The following SEMA6D variants were observed in gnomAD, a reference collection of about 807,000 sequenced individuals.
The protein encoded by SEMA6D is semaphorin-6D.
In SEMA6D, 35 loss-of-function variants were observed where a neutral mutation model predicts 106.6. The ratio of observed to expected loss-of-function variants is 0.33; its 90% confidence interval spans 0.25 to 0.44. The LOEUF (loss-of-function observed/expected upper bound fraction) is 0.44. Among genes scored for constraint, SEMA6D ranks in the 20% least tolerant of loss-of-function variants. The pLI is 1.00. For missense variants in SEMA6D, 1,185 were observed against 1,345.9 expected, an observed-to-expected ratio of 0.88 and a Z score of 1.87; for synonymous variants, 499 against 487.7, an observed-to-expected ratio of 1.02 and a Z score of -0.31.
At chr15:47,386,567 C>T (rs1380004978) in intron 1 of SEMA6D, among the ~76,000 whole-genome samples, 2 of 152,140 alleles carry the variant, frequency 1.3e-5, no homozygotes, top group Admixed American at 6.5e-5. Context: ...GCAAGGCCAT[C>T]GGGGAGTCCT....
chr15:47,698,071 T>G (rs1394437027), intron 4 of SEMA6D, among the ~76,000 whole-genome samples: 1 of 152,252 alleles, frequency 6.6e-6, no homozygotes, highest in East Asian at 1.9e-4. Context: ...ATGTTTAACA[T>G]ATGCTTGTAG....
In SEMA6D at chr15:47,726,722, C is replaced by G. The variant is rs573439581; in HGVS notation, c.-55+9030C>G. 1.2e-3 allele frequency among the ~76,000 whole-genome samples: 180 copies of G among 152,316 alleles called. 6 individuals carry two copies. The highest frequency in any genetic ancestry group is 0.011 in the Admixed American group (170 of 15,298). On this transcript the variant is annotated intron_variant, in intron 1 of 18. Transcript: ENST00000536845. Reference sequence around the variant, plus strand: ...CAGATGAATTAATATTTGAACAGCACTTATAATAGTGCTTGGCATGTAGTG... The same window carrying G: ...CAGATGAATTAATATTTGAACAGCAGTTATAATAGTGCTTGGCATGTAGTG...
chr15:47,513,047 A>C (rs1408732004), intron 3 of SEMA6D, among the ~76,000 whole-genome samples: 2 of 152,162 alleles, frequency 1.3e-5, no homozygotes, highest in African/African-American at 4.8e-5. Flanking sequence ...CACGTTCTCA[A>C]ATTTCAATAG....
intron 2 of SEMA6D, among the ~76,000 whole-genome samples, chr15:47,454,655 C>T (rs1453054698): frequency 6.6e-6 from 1 of 151,616 alleles, no homozygotes; most frequent in African/African-American, 2.4e-5. Context: ...ATTTATCTCA[C>T]AGGACATACT....
chr15:47,726,630 C>T (rs1363156265), intron 1 of SEMA6D, among the ~76,000 whole-genome samples: 1 of 152,168 alleles, frequency 6.6e-6, no homozygotes, highest in African/African-American at 2.4e-5. Context: ...CTCTTTGAGA[C>T]TCATTTTCAC....
At chr15:47,467,950 A>G (rs2042713061) in intron 2 of SEMA6D, among the ~76,000 whole-genome samples, 1 of 152,074 alleles carries the variant, frequency 6.6e-6, no homozygotes, top group African/African-American at 2.4e-5. Flanking sequence ...AAATTATATT[A>G]TAATAATATT....
chr15:47,536,414 T>A (rs192618868), intron 3 of SEMA6D, among the ~76,000 whole-genome samples: 1 of 152,328 alleles, frequency 6.6e-6, no homozygotes, highest in South Asian at 2.1e-4. Flanking sequence ...TCCATTCTTA[T>A]TGGGGACACA....
rs531307570 is a variant in SEMA6D, at chr15:47,223,574, C to T, written c.-239+39156C>T. 4.5e-3 allele frequency among the ~76,000 whole-genome samples: 615 copies of T among 137,558 alleles called. 5 individuals are homozygous for T. Among genetic ancestry groups the T allele is most frequent in the Non-Finnish European group, 6.9e-3 (441 of 63,852 alleles). The allele number at this position is 137,558 out of a possible 152,430, so 90.2% of individuals were successfully genotyped here. A position where few individuals can be genotyped will look rare whatever the true frequency, so the allele number is the denominator to read the frequency against. Reference sequence around the variant, plus strand: ...GGACAGTTTTCTGACATCAAGCTTGCGTGTGTCAGCTGGCTCCAAGTTAGC... The same window carrying T: ...GGACAGTTTTCTGACATCAAGCTTGTGTGTGTCAGCTGGCTCCAAGTTAGC... On this transcript the variant is annotated intron_variant, in intron 1 of 19. Coordinates refer to the SEMA6D transcript ENST00000558014.
At chr15:47,185,643 A>G (rs1308707642) in intron 1 of SEMA6D, 1 of 151,996 alleles carries the variant, frequency 6.6e-6, no homozygotes, top group Non-Finnish European at 1.5e-5. Flanking sequence ...GTAGACGTCC[A>G]TTGCTCCCCC....
At chr15:47,329,126 A>C (rs1022808608) in intron 1 of SEMA6D, among the ~76,000 whole-genome samples, 2 of 152,218 alleles carry the variant, frequency 1.3e-5, no homozygotes, top group Admixed American at 1.3e-4. Flanking sequence ...TGAACAAGAC[A>C]GATGATATTC....
intron 1 of SEMA6D, among the ~76,000 whole-genome samples, chr15:47,350,128 A>G (rs1434926022): frequency 6.6e-6 from 1 of 152,230 alleles, no homozygotes; most frequent in Non-Finnish European, 1.5e-5. Context: ...CATGTCCCTT[A>G]ATCACAAATC....
chr15:47,509,177 T>C (rs1346828643), intron 3 of SEMA6D, among the ~76,000 whole-genome samples: 3 of 152,192 alleles, frequency 2.0e-5, no homozygotes, highest in African/African-American at 4.8e-5. Context: ...TACAGTCTCC[T>C]TCAAACAGAT....
chr15:47,276,989 G>C (rs192640214), intron 1 of SEMA6D, among the ~76,000 whole-genome samples: 1 of 152,232 alleles, frequency 6.6e-6, no homozygotes, highest in Admixed American at 6.6e-5. Context: ...GGATGACCTT[G>C]AGGGGTTAAT....
At chr15:47,457,201 A>G (rs2042370839) in intron 2 of SEMA6D, among the ~76,000 whole-genome samples, 1 of 152,024 alleles carries the variant, frequency 6.6e-6, no homozygotes. Context: ...AAAGCTTACC[A>G]AATAATTTAT....
At chr15:47,747,023 T>C (rs1377605370) in intron 1 of SEMA6D, among the ~76,000 whole-genome samples, 6 of 149,616 alleles carry the variant, frequency 4.0e-5, no homozygotes, top group Non-Finnish European at 8.9e-5. Context: ...AGAAGGTTCC[T>C]TGTGCATTAT....
At chr15:47,374,522 C>T (rs1384852824) in intron 1 of SEMA6D, among the ~76,000 whole-genome samples, 1 of 152,078 alleles carries the variant, frequency 6.6e-6, no homozygotes, top group Non-Finnish European at 1.5e-5. Flanking sequence ...TCCTTGGCTT[C>T]CCTGGAAGCA....
chr15:47,232,526 G>GGTGTGT (rs60261871), intron 1 of SEMA6D, among the ~76,000 whole-genome samples: 2 of 148,028 alleles, frequency 1.4e-5, no homozygotes, highest in African/African-American at 2.5e-5. Flanking sequence ...ATGGGGGGAG[G>GGTGTGT]GTGTGTGTGT....
intron 1 of SEMA6D, among the ~76,000 whole-genome samples, chr15:47,308,091 T>C (rs1261939956): frequency 6.6e-6 from 1 of 151,904 alleles, no homozygotes; most frequent in Non-Finnish European, 1.5e-5. Context: ...AGTCTGTACA[T>C]TTCAGGGTAT....
chr15:47,671,405 A>G (rs2078134890), intron 4 of SEMA6D, among the ~76,000 whole-genome samples: 1 of 152,218 alleles, frequency 6.6e-6, no homozygotes, highest in African/African-American at 2.4e-5. Context: ...GAGAATCAAC[A>G]TAATGAGAAA....
Sources: gnomAD v4.1 joint callset for allele counts (sites outside exome capture counted in the v4.1 genomes callset) on GRCh38, gnomAD v4.1.1 for gene constraint, MANE v1.5 for transcripts, NCBI Gene and HGNC (gene_info 2026-07-23, HGNC 2026-07-21) for gene names.